ADGRL3: variants seen among roughly 807,000 people sequenced by gnomAD.
ADGRL3 encodes adhesion G protein-coupled receptor L3, also known as calcium-independent alpha-latrotoxin receptor 3.
In ADGRL3, 62 loss-of-function variants were observed where a neutral mutation model predicts 153.5. The ratio of observed to expected loss-of-function variants is 0.40; its 90% CI spans 0.33 to 0.50. ADGRL3 has a LOEUF of 0.50. Ranked by LOEUF, ADGRL3 falls within the 20% of genes least tolerant of loss-of-function variation. The probability of loss-of-function intolerance (pLI) is 0.47; values close to 1 mark genes in which losing one functional copy is unlikely to be tolerated. For synonymous variants in ADGRL3, 710 were observed against 672.5 expected, an observed-to-expected ratio of 1.06 and a Z score of -0.86; for missense variants, 1,641 against 1,859.4, an observed-to-expected ratio of 0.88 and a Z score of 2.16.
intron 8 of ADGRL3, among the ~76,000 whole-genome samples, chr4:61,797,005 T>C (rs1468302940): frequency 6.6e-6 from 1 of 152,212 alleles, no homozygotes; most frequent in Non-Finnish European, 1.5e-5. Context: ...CAGCCTTCCC[T>C]TTCTTTCCTG....
chr4:61,992,525 A>T (rs1426568020), intron 19 of ADGRL3, among the ~76,000 whole-genome samples: 1 of 152,224 alleles, frequency 6.6e-6, no homozygotes, highest in African/African-American at 2.4e-5. Flanking sequence ...GGCCAGAAAC[A>T]ACAGCAGGTG....
intron 5 of ADGRL3, among the ~76,000 whole-genome samples, chr4:61,588,206 T>G (rs1252158316): frequency 6.6e-6 from 1 of 151,902 alleles, no homozygotes; most frequent in African/African-American, 2.4e-5. Flanking sequence ...TCCTTTAGTA[T>G]AAGCCTACAG....
chr4:61,604,210 C>A (rs1394407014), intron 5 of ADGRL3, among the ~76,000 whole-genome samples: 4 of 152,086 alleles, frequency 2.6e-5, no homozygotes, highest in Admixed American at 6.6e-5. Flanking sequence ...AAGACTAGAA[C>A]CACGCAGCTG....
Position 61,432,628 on chromosome 4 carries a change from TTCTTTCTTTCTTTCTTTCTTTCTTTC to T in ADGRL3, c.-174+49441_-174+49466del. Among the ~76,000 whole-genome samples, 6 of 84,252 alleles carry T rather than the reference TTCTTTCTTTCTTTCTTTCTTTCTTTC, an allele frequency of 7.1e-5. 1 individual carries two copies. Among genetic ancestry groups the T allele is most frequent in the East Asian group, 2.4e-4 (1 of 4,224 alleles). The allele number at this position is 84,252 out of a possible 152,430, so 55.3% of individuals were successfully genotyped here. A position where few individuals can be genotyped will look rare whatever the true frequency, so the allele number is the denominator to read the frequency against. On this transcript the variant is annotated intron_variant, in intron 2 of 26. Coordinates refer to ENST00000683033, the MANE Select transcript of ADGRL3 (RefSeq NM_001387552.1). ...TTTCTTTCTTTCTTTCTTTCTTTCTTTCTTTCTTTCTTTCTTTCTTTCTTTCTTTTTTTTTTTTTTTTGAGACAGAA... is the reference window on the plus strand; with the variant it reads ...TTTCTTTCTTTCTTTCTTTCTTTCTTTTTTTTTTTTTTTTTTGAGACAGAA...
At chr4:61,603,140 A>G (rs763093830) in intron 5 of ADGRL3, among the ~76,000 whole-genome samples, 2 of 152,180 alleles carry the variant, frequency 1.3e-5, no homozygotes, top group Non-Finnish European at 2.9e-5. Flanking sequence ...ATTGTTGGAA[A>G]CATTTCAATA....
intron 2 of ADGRL3, among the ~76,000 whole-genome samples, chr4:61,489,503 A>G (rs930218886): frequency 2.6e-5 from 4 of 152,074 alleles, no homozygotes; most frequent in African/African-American, 2.4e-5. Flanking sequence ...ATCTATCCAG[A>G]TAAGTCATTA....
chr4:61,515,485 G>T (rs1247513811), intron 3 of ADGRL3, among the ~76,000 whole-genome samples: 1 of 151,746 alleles, frequency 6.6e-6, no homozygotes. Context: ...TCCCTTACCA[G>T]ATGTGTGATT....
At chr4:61,846,961 TG>T (rs2098124370) in intron 9 of ADGRL3, among the ~76,000 whole-genome samples, 1 of 150,666 alleles carries the variant, frequency 6.6e-6, no homozygotes, top group South Asian at 2.1e-4. Flanking sequence ...TGTGTGTGTG[TG>T]TGTGTGTGTA....
chr4:61,657,380 A>C (rs1161178198), intron 5 of ADGRL3, among the ~76,000 whole-genome samples: 1 of 152,058 alleles, frequency 6.6e-6, no homozygotes, highest in Non-Finnish European at 1.5e-5. Flanking sequence ...ATAGATATAC[A>C]TATATGTCTA....
rs900808213 is a variant in ADGRL3, at chr4:61,809,760, G to A, written c.1400-4049G>A. Among the ~76,000 whole-genome samples, 5 of 151,680 alleles carry A rather than the reference G, an allele frequency of 3.3e-5. 1 individual carries two copies. In the South Asian group the frequency reaches 8.4e-4, roughly 25 times the overall value. On this transcript the variant is annotated intron_variant, in intron 8 of 26. Coordinates refer to ENST00000683033, the MANE Select transcript of ADGRL3 (RefSeq NM_001387552.1). Reference sequence around the variant, plus strand: ...TGGTGTTTTATGTATGCCAAACACCGAGAAAGGCACCTGTGCCTCATGAAT... The same window carrying A: ...TGGTGTTTTATGTATGCCAAACACCAAGAAAGGCACCTGTGCCTCATGAAT...
intron 2 of ADGRL3, among the ~76,000 whole-genome samples, chr4:61,412,813 T>C (rs954267960): frequency 6.6e-6 from 1 of 152,216 alleles, no homozygotes; most frequent in Non-Finnish European, 1.5e-5. Context: ...TGTTCTATCA[T>C]TTGTTTTCAT....
At chr4:61,507,990 G>T (rs1018816602) in intron 3 of ADGRL3, among the ~76,000 whole-genome samples, 1 of 152,098 alleles carries the variant, frequency 6.6e-6, no homozygotes, top group South Asian at 2.1e-4. Context: ...AAGGTTTTTT[G>T]TTACCATGAA....
At chr4:61,812,533 G>A (rs947556787) in intron 8 of ADGRL3, among the ~76,000 whole-genome samples, 1 of 152,202 alleles carries the variant, frequency 6.6e-6, no homozygotes, top group South Asian at 2.1e-4. Flanking sequence ...TATAGTAAAT[G>A]TGTGAAATAT....
At chr4:61,590,474 G>A (rs2098964982) in intron 5 of ADGRL3, among the ~76,000 whole-genome samples, 1 of 151,978 alleles carries the variant, frequency 6.6e-6, no homozygotes. Flanking sequence ...TTGGCATTCA[G>A]CTTAGGTTTC....
chr4:62,032,566 TC>T (rs1722712953), intron 23 of ADGRL3, among the ~76,000 whole-genome samples: 1 of 151,514 alleles, frequency 6.6e-6, no homozygotes, highest in African/African-American at 2.4e-5. Flanking sequence ...AAGAAATGGC[TC>T]TGAAAATGAA....
chr4:61,365,354 C>A (rs2096376411), intron 1 of ADGRL3, among the ~76,000 whole-genome samples: 1 of 152,106 alleles, frequency 6.6e-6, no homozygotes, highest in Admixed American at 6.6e-5. Context: ...GCTAAGGGGA[C>A]CAATATCTTG....
intron 4 of ADGRL3, among the ~76,000 whole-genome samples, chr4:61,561,034 G>C (rs1441847645): frequency 6.6e-6 from 1 of 152,074 alleles, no homozygotes; most frequent in Non-Finnish European, 1.5e-5. Context: ...TTGTCTCAAG[G>C]TGCCTAAGGA....
chr4:61,327,953 C>CA (rs1380779562), intron 1 of ADGRL3, among the ~76,000 whole-genome samples: 1 of 151,942 alleles, frequency 6.6e-6, no homozygotes, highest in Non-Finnish European at 1.5e-5. Context: ...TTAAGACTGT[C>CA]AAAAATTATT....
intron 25 of ADGRL3, among the ~76,000 whole-genome samples, chr4:62,060,919 G>C (rs1739753089): frequency 1.3e-5 from 2 of 151,894 alleles, no homozygotes. Context: ...CACTTAGAAA[G>C]TGAAAAATTC....
Sources: allele counts gnomAD v4.1 joint callset (sites outside exome capture counted in the v4.1 genomes callset), GRCh38; gene constraint gnomAD v4.1.1; transcripts MANE v1.5; gene names NCBI Gene and HGNC (gene_info 2026-07-23, HGNC 2026-07-21).